Variants in RRM2B observed in about 807,000 individuals in gnomAD.
RRM2B encodes ribonucleoside-diphosphate reductase subunit M2 B.
A neutral mutation model predicts 45.9 loss-of-function variants in RRM2B; 20 were observed. The ratio of observed to expected loss-of-function variants is 0.44; its 90% confidence interval spans 0.31 to 0.63. RRM2B has a LOEUF of 0.63. RRM2B is among the 30% of genes least tolerant of loss of function. The pLI is 0.09. For synonymous variants in RRM2B, 124 were observed against 132.3 expected (o/e 0.94, Z 0.43); for missense variants, 320 against 414.7 (o/e 0.77, Z 1.98).
At chr8:102,228,838 G>A (rs575149723) in intron 2 of RRM2B, among the ~76,000 whole-genome samples, 1 of 152,362 alleles carries the variant, frequency 6.6e-6, no homozygotes, top group African/African-American at 2.4e-5. Context: ...CCCACGAAGG[G>A]ATCGGAGAAA....
intron 6 of RRM2B, among the ~76,000 whole-genome samples, chr8:102,216,168 G>A (rs2132547181): frequency 6.6e-6 from 1 of 152,000 alleles, no homozygotes; most frequent in Admixed American, 6.5e-5. Context: ...TAATAAAGAA[G>A]ACAGCGCAAG....
At chr8:102,215,793 A>C (rs2132546738) in intron 6 of RRM2B, among the ~76,000 whole-genome samples, 1 of 152,068 alleles carries the variant, frequency 6.6e-6, no homozygotes, top group African/African-American at 2.4e-5. Context: ...AAACTTTTTT[A>C]ATTAACTGGA....
chr8:102,231,428 A>C (rs548989336), intron 2 of RRM2B, among the ~76,000 whole-genome samples: 1 of 152,220 alleles, frequency 6.6e-6, no homozygotes, highest in Non-Finnish European at 1.5e-5. Flanking sequence ...CATTTTGTAC[A>C]ATCAGATAAA....
chr8:102,208,906 T>A (rs959131544), intron 8 of RRM2B, among the ~76,000 whole-genome samples: 1 of 152,190 alleles, frequency 6.6e-6, no homozygotes, highest in Non-Finnish European at 1.5e-5. Context: ...CTCAGCACTT[T>A]GGGAGGCCGA....
At chr8:102,238,675 G>C in intron 1 of RRM2B, 152 bp downstream of exon 1, 1 of 1,542,482 alleles carries the variant, frequency 6.5e-7, no homozygotes. Flanking sequence ...CCTCCCCGGC[G>C]CTCGCAACGA....
chr8:102,237,673 G>T (rs1450389509), intron 1 of RRM2B, among the ~76,000 whole-genome samples: 1 of 152,236 alleles, frequency 6.6e-6, no homozygotes, highest in Non-Finnish European at 1.5e-5. Flanking sequence ...GTAATATCCA[G>T]GTGTTAAGCC....
chr8:102,212,638 TC>T lies in RRM2B; in HGVS notation c.903+137del. ...TTCAAAGGATTTTGCAAAACCTTGT[TC>T]ATACAAAACAAGTCTCTGTCATTGA... On this transcript the variant is annotated intron_variant, in intron 8 of 8. Transcript: ENST00000251810. 3 of 582,626 alleles carry T rather than the reference TC, an allele frequency of 5.1e-6. No individual in the cohort carries two copies. The South Asian group carries it at 7.1e-5, about 14-fold the overall frequency. 36.1% of individuals were successfully genotyped at this position (582,626 alleles called of 1,614,324 possible).
chr8:102,223,599 G>T (rs1033127977), intron 5 of RRM2B, among the ~76,000 whole-genome samples: 13 of 151,368 alleles, frequency 8.6e-5, no homozygotes, highest in African/African-American at 2.9e-4. Flanking sequence ...GGAGGCTGAG[G>T]CAGGGAGAAT....
At chr8:102,217,189 TG>T (rs1810744389) in intron 6 of RRM2B, among the ~76,000 whole-genome samples, 1 of 152,070 alleles carries the variant, frequency 6.6e-6, no homozygotes, top group Non-Finnish European at 1.5e-5. Context: ...CACAGAAAAA[TG>T]ATTGCAGTAT....
chr8:102,235,696 G>A (rs562482925), intron 1 of RRM2B, among the ~76,000 whole-genome samples: 59 of 152,202 alleles, frequency 3.9e-4, no homozygotes, highest in African/African-American at 1.3e-3. Context: ...AAAATTAGCC[G>A]GGCGTGGTGG....
At chr8:102,218,720 T>TCA (rs1810774539) in intron 6 of RRM2B, 94 bp downstream of exon 6, 1 of 1,039,058 alleles carries the variant, frequency 9.6e-7, no homozygotes, top group South Asian at 1.4e-5. Context: ...AGTGAGATCC[T>TCA]GTCTCAAAAA....
At chr8:102,224,426 G>A (rs534740919) in intron 4 of RRM2B, among the ~76,000 whole-genome samples, 3 of 152,178 alleles carry the variant, frequency 2.0e-5, no homozygotes, top group Non-Finnish European at 2.9e-5. Flanking sequence ...CACCTGCTTC[G>A]GCCTCCCAAG....
intron 5 of RRM2B, among the ~76,000 whole-genome samples, chr8:102,219,305 C>A (rs926891410): frequency 2.0e-5 from 3 of 152,144 alleles, no homozygotes; most frequent in Non-Finnish European, 4.4e-5. Flanking sequence ...TGTGTGTGTA[C>A]TGGAGAGTAG....
rs1401496714 is a variant in RRM2B at position 102,207,366 on chromosome 8, T to C, written c.*767A>G. On this transcript the variant is annotated 3_prime_UTR_variant, in exon 9 of 9. Transcript: ENST00000251810. ...CCAGAGCTAAATCTGGCAATAGTTA[T>C]GTTTTTAATTTCTGAAGAAGAATCA... 1 of 152,234 alleles carries C rather than the reference T, an allele frequency of 6.6e-6. No individual in the cohort carries two copies. The highest frequency in any genetic ancestry group is 2.4e-5 in the African/African-American group (1 of 41,462). 9.4% of individuals were successfully genotyped at this position (152,234 alleles called of 1,614,324 possible).
rs1312879987 is a variant in RRM2B at position 102,208,113 on chromosome 8, G to A, written c.*20C>T. ...TATTTACCAATGACAAGTTTATAGAGTTTTAAAACGAGAGGTTTTTTAAAA... is the reference window on the plus strand; with the variant it reads ...TATTTACCAATGACAAGTTTATAGAATTTTAAAACGAGAGGTTTTTTAAAA... On this transcript the variant is annotated 3_prime_UTR_variant, in exon 9 of 9. Transcript: ENST00000251810. The A allele has an allele frequency of 5.6e-6, 9 of 1,601,886 alleles. No homozygotes were observed. The highest frequency in any genetic ancestry group is 7.7e-6 in the Non-Finnish European group (9 of 1,169,796).
At chr8:102,213,653 T>G (rs376169732) in intron 7 of RRM2B, among the ~76,000 whole-genome samples, 3 of 152,132 alleles carry the variant, frequency 2.0e-5, no homozygotes, top group East Asian at 1.9e-4. Context: ...CTATAAAAAT[T>G]TGTGTATGCT....
chr8:102,213,685 G>A (rs190484429), intron 7 of RRM2B, among the ~76,000 whole-genome samples: 7 of 150,794 alleles, frequency 4.6e-5, no homozygotes, highest in Non-Finnish European at 7.4e-5. Flanking sequence ...ACCTTGCTAC[G>A]TTATTAAAAA....
chr8:102,219,455 A>C (rs1182174809), intron 5 of RRM2B, among the ~76,000 whole-genome samples: 9 of 152,248 alleles, frequency 5.9e-5, no homozygotes, highest in Non-Finnish European at 7.3e-5. Context: ...ATTTAAAAAA[A>C]ATAGATAAAC....
Position 102,214,129 on chromosome 8 carries a change from C to A in RRM2B, c.714G>T (p.Met238Ile), listed in dbSNP as rs769677140. ...AAGGCTTATTTACTAAGTATTGGAACATCAGGCAAGCAAAGTCACAGTGAA... is the reference window on the plus strand; with the variant it reads ...AAGGCTTATTTACTAAGTATTGGAAAATCAGGCAAGCAAAGTCACAGTGAA... ...EGLHCDFACL[M>I]FQYLVNKPSE... The change falls in exon 7 of 9, where the codon ATG becomes ATT. Residue 238 changes from methionine to isoleucine, a missense_variant. This residue lies in a region of RRM2B where 225 missense variants were observed against 289.4 expected (regional missense o/e 0.78). Coordinates refer to ENST00000251810, the MANE Select transcript of RRM2B (RefSeq NM_015713.5). 1 of 1,613,348 alleles carries A rather than the reference C, an allele frequency of 6.2e-7. No homozygotes were observed. Among genetic ancestry groups the A allele is most frequent in the East Asian group, 2.2e-5 (1 of 44,800 alleles).
Sources: allele counts gnomAD v4.1 joint callset (sites outside exome capture counted in the v4.1 genomes callset), GRCh38; gene constraint gnomAD v4.1.1; regional missense constraint gnomAD v4.1.1; transcripts MANE v1.5; gene names NCBI Gene and HGNC (gene_info 2026-07-23, HGNC 2026-07-21).